Variants in REV3L observed in about 807,000 individuals in gnomAD.
REV3L encodes REV3 like, DNA directed polymerase zeta catalytic subunit.
Under a neutral mutation model 299.4 loss-of-function variants are expected in REV3L, and 69 were observed. That is an observed-to-expected ratio of 0.23 (90% CI 0.19 to 0.28). The LOEUF (loss-of-function observed/expected upper bound fraction) is 0.28. Among genes scored for constraint, REV3L ranks in the 10% least tolerant of loss-of-function variants. The pLI is 1.00. For synonymous variants in REV3L, 1,238 were observed against 1,271.4 expected, an observed-to-expected ratio of 0.97 and a Z score of 0.56; for missense variants, 3,128 against 3,693.8, an observed-to-expected ratio of 0.85 and a Z score of 3.97.
intron 18 of REV3L, among the ~76,000 whole-genome samples, chr6:111,356,455 T>G (rs1778095598): frequency 6.6e-6 from 1 of 152,144 alleles, no homozygotes; most frequent in Non-Finnish European, 1.5e-5. Context: ...GACTACCAAA[T>G]GGTCAAAAGA....
chr6:111,394,900 C>T (rs1462451219), intron 4 of REV3L, among the ~76,000 whole-genome samples: 1 of 152,048 alleles, frequency 6.6e-6, no homozygotes, highest in Non-Finnish European at 1.5e-5. Flanking sequence ...CTATCTTGCA[C>T]AGGCTGGACT....
At chr6:111,414,281 T>C (rs1440423781) in intron 2 of REV3L, among the ~76,000 whole-genome samples, 6 of 151,880 alleles carry the variant, frequency 4.0e-5, no homozygotes, top group Non-Finnish European at 8.8e-5. Context: ...ATCTGGAGGA[T>C]TGGGGAAGGG....
chr6:111,302,760 G>T (rs944436007), intron 31 of REV3L, among the ~76,000 whole-genome samples: 1 of 152,086 alleles, frequency 6.6e-6, no homozygotes, highest in Non-Finnish European at 1.5e-5. Context: ...AAATTAGCTG[G>T]GCGTGGTGGT....
At chr6:111,458,877 A>T (rs954815635) in intron 1 of REV3L, among the ~76,000 whole-genome samples, 1 of 152,176 alleles carries the variant, frequency 6.6e-6, no homozygotes, top group Non-Finnish European at 1.5e-5. Context: ...TTGCAGATTC[A>T]GCATTATTCC....
At chr6:111,310,328 C>T (rs576487642) in intron 29 of REV3L, 1 of 368,578 alleles carries the variant, frequency 2.7e-6, no homozygotes, top group African/African-American at 2.1e-5. Context: ...ATCACTGTTA[C>T]CTGGAAAATA....
chr6:111,303,165 C>CTTTTTTTTTTTT (rs1189398273), intron 31 of REV3L, among the ~76,000 whole-genome samples: 3 of 92,340 alleles, frequency 3.2e-5, no homozygotes, highest in Admixed American at 1.5e-4. Context: ...TCTTTTCTTT[C>CTTTTTTTTTTTT]TTTTTTTTTT....
intron 18 of REV3L, among the ~76,000 whole-genome samples, chr6:111,354,932 G>A (rs943885382): frequency 3.3e-5 from 5 of 152,120 alleles, no homozygotes; most frequent in African/African-American, 1.2e-4. Flanking sequence ...CAAGGGGCAC[G>A]GAGGGGAAGG....
rs776290344 is a variant in REV3L at position 111,389,139 on chromosome 6, C to T, written c.829G>A (p.Glu277Lys). ...DEKQRRRNRN[E>K]TSQMSQPESQ... ...TCAGGTTGGCTCATTTGAGAAGTTTCATTTCTGTTTCTTCGCCGTTGCTTT... is the reference window on the plus strand; with the variant it reads ...TCAGGTTGGCTCATTTGAGAAGTTTTATTTCTGTTTCTTCGCCGTTGCTTT... The change falls in exon 7 of 32, where the codon GAA becomes AAA. Residue 277 changes from glutamate (E) to lysine (K), a missense_variant. Glu to Lys is a moderately conservative substitution (Grantham distance 56). Transcript: ENST00000368802. 2.5e-6 allele frequency: 4 copies of T among 1,613,954 alleles called. No homozygotes were observed. The South Asian group carries it at 4.4e-5, about 18-fold the overall frequency.
intron 1 of REV3L, among the ~76,000 whole-genome samples, chr6:111,441,056 A>G (rs558822000): frequency 2.6e-5 from 4 of 152,264 alleles, no homozygotes; most frequent in South Asian, 4.1e-4. Flanking sequence ...TGCAGTTTGA[A>G]TATGATATGT....
intron 3 of REV3L, among the ~76,000 whole-genome samples, chr6:111,410,670 T>A (rs1784151768): frequency 6.6e-6 from 1 of 152,238 alleles, no homozygotes; most frequent in African/African-American, 2.4e-5. Flanking sequence ...AATAGAGCTG[T>A]GCTTCAGTGA....
At chr6:111,430,285 A>G (rs1786741119) in intron 1 of REV3L, 2 of 1,050,002 alleles carry the variant, frequency 1.9e-6, no homozygotes, top group South Asian at 1.3e-5. Context: ...GAAAAGATCC[A>G]AGTGCTTTCT....
chr6:111,329,988 C>T (rs1379651898), intron 24 of REV3L, among the ~76,000 whole-genome samples: 1 of 152,134 alleles, frequency 6.6e-6, no homozygotes, highest in Non-Finnish European at 1.5e-5. Flanking sequence ...TCAGAGACCT[C>T]CAGGGAGGAG....
chr6:111,355,006 T>C (rs1265778389), intron 18 of REV3L, among the ~76,000 whole-genome samples: 1 of 152,018 alleles, frequency 6.6e-6, no homozygotes, highest in African/African-American at 2.4e-5. Flanking sequence ...TAATAGCATT[T>C]AGGGAAGAGG....
At chr6:111,383,458 T>C (rs1341943823) in intron 9 of REV3L, among the ~76,000 whole-genome samples, 1 of 152,212 alleles carries the variant, frequency 6.6e-6, no homozygotes, top group Non-Finnish European at 1.5e-5. Context: ...AGCATTTCTA[T>C]ATGCCAACAG....
At chr6:111,310,226 A>G (rs755206855) in intron 29 of REV3L, 127 bp from the exon 30 acceptor site, 81 of 1,207,776 alleles carry the variant, frequency 6.7e-5, no homozygotes, top group Non-Finnish European at 8.3e-5. Flanking sequence ...TTCAAAACAG[A>G]ATTACTATTT....
Position 111,299,929 on chromosome 6 carries a change from T to G in REV3L, c.*87A>C. On this transcript the variant is annotated 3_prime_UTR_variant, in exon 32 of 32. Transcript: ENST00000368802. Reference sequence around the variant, plus strand: ...ATAACAGACAGTGAACATCCTTGACTCGATGAAAGTTAAAAAGCACCATGC... The same window carrying G: ...ATAACAGACAGTGAACATCCTTGACGCGATGAAAGTTAAAAAGCACCATGC... 7.7e-7 allele frequency: 1 copy of G among 1,306,366 alleles called. No homozygotes were observed. The highest frequency in any genetic ancestry group is 2.4e-5 in the East Asian group (1 of 41,214). 80.9% of individuals were successfully genotyped at this position (1,306,366 alleles called of 1,614,324 possible).
At chr6:111,336,818 A>G (rs966308625) in intron 21 of REV3L, among the ~76,000 whole-genome samples, 3 of 152,216 alleles carry the variant, frequency 2.0e-5, no homozygotes, top group Non-Finnish European at 4.4e-5. Flanking sequence ...GTATATATCC[A>G]TACGATACAG....
chr6:111,315,506 T>A, intron 26 of REV3L, 125 bp from the exon 27 acceptor site: 1 of 643,924 alleles, frequency 1.6e-6, no homozygotes, highest in Non-Finnish European at 2.7e-6. Flanking sequence ...TCCTATTTAC[T>A]CTTTAAGATG....
At chr6:111,426,693 A>G (rs1426713518) in intron 1 of REV3L, among the ~76,000 whole-genome samples, 3 of 152,256 alleles carry the variant, frequency 2.0e-5, no homozygotes, top group Non-Finnish European at 2.9e-5. Flanking sequence ...AAAGTTCATA[A>G]GCAATTTAAT....
Sources: allele counts gnomAD v4.1 joint callset (sites outside exome capture counted in the v4.1 genomes callset), GRCh38; gene constraint gnomAD v4.1.1; transcripts MANE v1.5; gene names NCBI Gene and HGNC (gene_info 2026-07-23, HGNC 2026-07-21).